Variants in GABRB1 observed in about 807,000 individuals in gnomAD.
GABRB1 encodes gamma-aminobutyric acid type A receptor subunit beta1.
GABRB1 carries 17 observed loss-of-function variants against 51.6 expected under a neutral mutation model. The ratio of observed to expected loss-of-function variants is 0.33; its 90% CI spans 0.23 to 0.49. The LOEUF is 0.49. GABRB1 is among the 20% of genes least tolerant of loss of function. The probability of loss-of-function intolerance (pLI) is 0.99; values close to 1 mark genes in which losing one functional copy is unlikely to be tolerated. For missense variants in GABRB1, 410 were observed against 600.6 expected, an observed-to-expected ratio of 0.68 and a Z score of 3.32; for synonymous variants, 247 against 218.9, an observed-to-expected ratio of 1.13 and a Z score of -1.14.
intron 4 of GABRB1, among the ~76,000 whole-genome samples, chr4:47,268,105 T>C (rs1203749416): frequency 2.0e-5 from 3 of 152,138 alleles, no homozygotes; most frequent in Non-Finnish European, 2.9e-5. Flanking sequence ...AATCCTGAGA[T>C]AAAATGACTC....
rs1378699380 is a variant in GABRB1 at position 47,354,982 on chromosome 4, T to TTTTTTTTG, written c.544+34780_544+34781insGTTTTTTT. ...TTCCTTTCTTTCTTTCTTCCTTTGTTTTTTTTTTTTTTTTTTTTTTTTTGA... is the reference window on the plus strand; with the variant it reads ...TTCCTTTCTTTCTTTCTTCCTTTGTTTTTTTTTGTTTTTTTTTTTTTTTTTTTTTTTGA... On this transcript the variant is annotated intron_variant, in intron 5 of 8. Transcript: ENST00000295454. Among the ~76,000 whole-genome samples, 308 of 91,234 alleles carry TTTTTTTTG rather than the reference T, an allele frequency of 3.4e-3. 36 individuals are homozygous for TTTTTTTTG. Among genetic ancestry groups the TTTTTTTTG allele is most frequent in the Non-Finnish European group, 5.2e-3 (222 of 42,538 alleles). 59.9% of individuals were successfully genotyped at this position (91,234 alleles called of 152,430 possible).
chr4:47,382,240 A>G lies in GABRB1; in HGVS notation c.545-21078A>G, dbSNP rs548285032. Among the ~76,000 whole-genome samples the G allele has an allele frequency of 2.0e-5, 3 of 152,276 alleles. No individual in the cohort carries two copies. The East Asian group carries it at 5.8e-4, about 29-fold the overall frequency. On this transcript the variant is annotated intron_variant, in intron 5 of 8. Transcript: ENST00000295454. ...CAGCAATATTGACATGTTGGGTGGA[A>G]TAATTCTTTTTTCTAGGCCACTGTA...
chr4:47,095,220 A>C (rs945921368), intron 3 of GABRB1, among the ~76,000 whole-genome samples: 3 of 151,954 alleles, frequency 2.0e-5, no homozygotes, highest in Non-Finnish European at 4.4e-5. Flanking sequence ...AACCCCAAGC[A>C]ACTCTCATAA....
intron 4 of GABRB1, among the ~76,000 whole-genome samples, chr4:47,260,120 C>G (rs1016805692): frequency 1.1e-4 from 17 of 152,246 alleles, no homozygotes; most frequent in Admixed American, 2.0e-4. Context: ...GGTTTAAAGT[C>G]TGTTTTATCA....
In GABRB1 at chr4:47,042,854, T is replaced by A. The variant is rs560487987; in HGVS notation, c.240+10370T>A. On this transcript the variant is annotated intron_variant, in intron 3 of 8. Transcript: ENST00000295454. Reference sequence around the variant, plus strand: ...TATCTGCCTAGTCATTTTGTATGTATACAAAATTATACATATACCTCATGT... The same window carrying A: ...TATCTGCCTAGTCATTTTGTATGTAAACAAAATTATACATATACCTCATGT... 2.0e-5 allele frequency among the ~76,000 whole-genome samples: 3 copies of A among 152,112 alleles called. No individual in the cohort carries two copies. The South Asian group carries it at 6.2e-4, about 32-fold the overall frequency.
At chr4:47,018,282 A>C (rs1724808945) in intron 1 of GABRB1, among the ~76,000 whole-genome samples, 2 of 151,292 alleles carry the variant, frequency 1.3e-5, no homozygotes, top group South Asian at 4.2e-4. Flanking sequence ...CAAGTCATCC[A>C]CCCACATCAG....
intron 3 of GABRB1, among the ~76,000 whole-genome samples, chr4:47,047,212 A>G (rs1726133004): frequency 6.6e-6 from 1 of 152,178 alleles, no homozygotes; most frequent in African/African-American, 2.4e-5. Flanking sequence ...AATCTGTAGC[A>G]GTAAGATTAC....
chr4:47,364,525 G>A (rs1726914490), intron 5 of GABRB1, among the ~76,000 whole-genome samples: 1 of 150,378 alleles, frequency 6.6e-6, no homozygotes, highest in South Asian at 2.1e-4. Context: ...GAAAAGATAA[G>A]AAAATAAAGC....
intron 3 of GABRB1, among the ~76,000 whole-genome samples, chr4:47,131,015 A>G (rs956727618): frequency 6.6e-6 from 1 of 152,190 alleles, no homozygotes; most frequent in Admixed American, 6.5e-5. Context: ...GGGTTTGCAA[A>G]ACCATCTCTA....
At chr4:47,019,270 G>A (rs1724837989) in intron 1 of GABRB1, among the ~76,000 whole-genome samples, 1 of 151,972 alleles carries the variant, frequency 6.6e-6, no homozygotes, top group Admixed American at 6.6e-5. Context: ...CATTCTTCTG[G>A]TTTTCTTTCT....
At chr4:47,183,175 T>G (rs996934285) in intron 4 of GABRB1, among the ~76,000 whole-genome samples, 2 of 151,506 alleles carry the variant, frequency 1.3e-5, no homozygotes, top group African/African-American at 4.8e-5. Flanking sequence ...AGCAATGTCA[T>G]GTTTCACTGA....
At chr4:47,038,625 A>G (rs577768309) in intron 3 of GABRB1, among the ~76,000 whole-genome samples, 80 of 152,302 alleles carry the variant, frequency 5.3e-4, no homozygotes, top group Middle Eastern at 3.4e-3. Flanking sequence ...TGAGGGATAA[A>G]ACCAGGGTGT....
chr4:47,074,005 A>G (rs1727447159), intron 3 of GABRB1, among the ~76,000 whole-genome samples: 1 of 152,210 alleles, frequency 6.6e-6, no homozygotes, highest in Non-Finnish European at 1.5e-5. Flanking sequence ...ATTAATATCA[A>G]GCCATCATTG....
rs1442707982 is a variant in GABRB1, at chr4:47,284,755, G to A, written c.462-35372G>A. Among the ~76,000 whole-genome samples the A allele has an allele frequency of 5.9e-5, 9 of 152,314 alleles. No individual in the cohort carries two copies. In the South Asian group the frequency reaches 1.7e-3, roughly 28 times the overall value. Reference sequence around the variant, plus strand: ...GTTCTTTGAATATAAAAGCCCTAAAGAGTGGACTGTGCAAGCACAAAACAA... The same window carrying A: ...GTTCTTTGAATATAAAAGCCCTAAAAAGTGGACTGTGCAAGCACAAAACAA... On this transcript the variant is annotated intron_variant, in intron 4 of 8. Transcript: ENST00000295454.
At chr4:47,190,754 T>C (rs1483513165) in intron 4 of GABRB1, among the ~76,000 whole-genome samples, 1 of 152,138 alleles carries the variant, frequency 6.6e-6, no homozygotes, top group Non-Finnish European at 1.5e-5. Flanking sequence ...AATCACCTGG[T>C]GATCTTGTGA....
At chr4:47,128,386 T>TA (rs938867007) in intron 3 of GABRB1, among the ~76,000 whole-genome samples, 8 of 151,874 alleles carry the variant, frequency 5.3e-5, no homozygotes, top group Admixed American at 2.0e-4. Context: ...AAAGGTAGAA[T>TA]AAAAAATCCA....
intron 4 of GABRB1, among the ~76,000 whole-genome samples, chr4:47,253,232 C>T (rs577418970): frequency 3.2e-4 from 49 of 152,094 alleles, no homozygotes; most frequent in African/African-American, 8.7e-4. Flanking sequence ...GATTTTTTAC[C>T]GTTAGGCATT....
chr4:47,125,754 A>G (rs1213846136), intron 3 of GABRB1, among the ~76,000 whole-genome samples: 7 of 146,742 alleles, frequency 4.8e-5, no homozygotes, highest in Admixed American at 4.1e-4. Context: ...ACGGGGTTTC[A>G]CCGTTTTAGC....
chr4:47,120,075 C>A (rs998970346), intron 3 of GABRB1, among the ~76,000 whole-genome samples: 2 of 151,666 alleles, frequency 1.3e-5, no homozygotes, highest in Non-Finnish European at 1.5e-5. Context: ...TCATGATCTG[C>A]AGGAAAAAAT....
Sources: allele counts gnomAD v4.1 joint callset (sites outside exome capture counted in the v4.1 genomes callset), GRCh38; gene constraint gnomAD v4.1.1; transcripts MANE v1.5; gene names NCBI Gene and HGNC (gene_info 2026-07-23, HGNC 2026-07-21).